Variants in POLD3 observed in about 807,000 individuals in gnomAD.
POLD3 encodes DNA polymerase delta 3, accessory subunit.
In POLD3, 19 loss-of-function variants were observed where a neutral mutation model predicts 58.2. The observed-to-expected ratio is 0.33, with a 90% CI of 0.23 to 0.48. The LOEUF (loss-of-function observed/expected upper bound fraction) is 0.48. Ranked by LOEUF, POLD3 falls within the 20% of genes least tolerant of loss-of-function variation. The probability of loss-of-function intolerance (pLI) is 0.99; values close to 1 mark genes in which losing one functional copy is unlikely to be tolerated. For synonymous variants in POLD3, 172 were observed against 193.5 expected (o/e 0.89, Z 0.92); for missense variants, 504 against 545.5 (o/e 0.92, Z 0.76).
chr11:74,601,038 A>G (rs956231299), intron 2 of POLD3, among the ~76,000 whole-genome samples: 6 of 152,182 alleles, frequency 3.9e-5, no homozygotes, highest in African/African-American at 1.4e-4. Flanking sequence ...GTTTTTTAAA[A>G]TAAGAGTTTG....
At position 74,631,633 on chromosome 11, in the gene POLD3, A is replaced by G. The variant is rs371585013; in HGVS notation, c.1006+2310A>G. Among the ~76,000 whole-genome samples the G allele has an allele frequency of 1.1e-4, 17 of 151,734 alleles. No individual in the cohort carries two copies. In the East Asian group the frequency reaches 3.1e-3, roughly 28 times the overall value. On this transcript the variant is annotated intron_variant, in intron 9 of 11. Coordinates refer to ENST00000263681, the MANE Select transcript of POLD3 (RefSeq NM_006591.3). ...TGAGTAGCCAGGATTACAGGTGCCT[A>G]CTACCACGCCCAGCTAATTTTTGTA...
Position 74,641,447 on chromosome 11 carries a change from C to G in POLD3, c.*681C>G. On this transcript the variant is annotated 3_prime_UTR_variant, in exon 12 of 12. Transcript: ENST00000263681. ...GCAATTAGTGGTTAGGGAAAAGCCT[C>G]AGGCAGAACACAAATAGAAATTTAA... is the stretch of plus-strand genomic sequence containing the variant. 1 of 985,410 alleles carries G rather than the reference C, an allele frequency of 1.0e-6. No homozygotes were observed. Among genetic ancestry groups the G allele is most frequent in the Non-Finnish European group, 1.2e-6 (1 of 829,924 alleles). 61.0% of individuals were successfully genotyped at this position (985,410 alleles called of 1,614,324 possible). A position where few individuals can be genotyped will look rare whatever the true frequency, so the allele number is the denominator to read the frequency against.
intron 9 of POLD3, among the ~76,000 whole-genome samples, chr11:74,632,877 TACACACACACACACACACACAC>T (rs71036003): frequency 6.2e-4 from 72 of 115,762 alleles, no homozygotes; most frequent in Admixed American, 1.4e-3. Context: ...TTTAAGTAAA[TACACACACACACACACACACAC>T]ACACACACAC....
chr11:74,664,650 C>T (rs1945132), intron 4 of POLD3, among the ~76,000 whole-genome samples: 4,943 of 151,866 alleles, frequency 0.033, 305 homozygotes, highest in African/African-American at 0.11. Context: ...AAAAAAATTA[C>T]GAAGATGAAT....
chr11:74,619,822 A>T (rs1018078752), intron 6 of POLD3, among the ~76,000 whole-genome samples, 195 bp from the exon 7 acceptor site: 1 of 152,198 alleles, frequency 6.6e-6, no homozygotes, highest in Non-Finnish European at 1.5e-5. Flanking sequence ...AGCTTTAGAG[A>T]TTAACACCAG....
chr11:74,596,456 G>C (rs545525831), intron 2 of POLD3, among the ~76,000 whole-genome samples: 1 of 152,144 alleles, frequency 6.6e-6, no homozygotes, highest in Non-Finnish European at 1.5e-5. Flanking sequence ...AAAGTGCTGG[G>C]ATTACAGATG....
intron 7 of POLD3, among the ~76,000 whole-genome samples, chr11:74,622,930 A>G (rs910750840): frequency 6.6e-5 from 10 of 152,220 alleles, no homozygotes; most frequent in African/African-American, 1.9e-4. Flanking sequence ...AATTGAAACA[A>G]TCCAAAAGTC....
chr11:74,640,526 C>T, intron 11 of POLD3, 38 bp from the exon 12 acceptor site: 1 of 1,462,806 alleles, frequency 6.8e-7, no homozygotes, highest in Non-Finnish European at 9.0e-7. Flanking sequence ...GTAAATGATT[C>T]AGCCCACCCA....
chr11:74,594,428 A>G (rs1449033468), intron 2 of POLD3, among the ~76,000 whole-genome samples: 2 of 152,200 alleles, frequency 1.3e-5, no homozygotes, highest in African/African-American at 4.8e-5. Context: ...TTTCTAAATA[A>G]GGTCACATTT....
intron 10 of POLD3, 64 bp from the exon 11 acceptor site, chr11:74,636,133 C>T (rs1209646729): frequency 2.7e-6 from 4 of 1,469,888 alleles, no homozygotes; most frequent in East Asian, 2.3e-5. Flanking sequence ...GATTTAAAAG[C>T]TTTTGTTATT....
chr11:74,647,171 G>C (rs1483453466), downstream of POLD3, among the ~76,000 whole-genome samples: 1 of 152,216 alleles, frequency 6.6e-6, no homozygotes, highest in Non-Finnish European at 1.5e-5. Context: ...CTCACCTCCT[G>C]CTGTGCAGCT....
At chr11:74,599,957 T>A (rs927586236) in intron 2 of POLD3, among the ~76,000 whole-genome samples, 1 of 70,586 alleles carries the variant, frequency 1.4e-5, no homozygotes, top group African/African-American at 6.8e-5. Context: ...ATTATTATTA[T>A]TTTTTTTTTT....
chr11:74,615,178 G>A (rs1470716042), intron 5 of POLD3, among the ~76,000 whole-genome samples: 1 of 152,230 alleles, frequency 6.6e-6, no homozygotes. Flanking sequence ...TGTCAGTAAA[G>A]CTGACAGTAG....
intron 4 of POLD3, among the ~76,000 whole-genome samples, chr11:74,659,900 C>T (rs1003973945): frequency 1.2e-4 from 19 of 152,184 alleles, no homozygotes; most frequent in African/African-American, 2.9e-4. Flanking sequence ...CTGCCGTTAC[C>T]GAGTTCCAAA....
In POLD3 at chr11:74,634,670, C is replaced by G; in HGVS notation, c.1094C>G (p.Thr365Ser). 1 of 1,609,928 alleles carries G rather than the reference C, an allele frequency of 6.2e-7. No homozygotes were observed. The highest frequency in any genetic ancestry group is 8.5e-7 in the Non-Finnish European group (1 of 1,176,188). ...PSPPLEPVPK[T>S]EPEPPSVKSS... Reference sequence around the variant, plus strand: ...CCACCTCTTGAACCAGTGCCAAAGACTGAGCCTGAACCTCCTTCTGTCAAG... The same window carrying G: ...CCACCTCTTGAACCAGTGCCAAAGAGTGAGCCTGAACCTCCTTCTGTCAAG... The change falls in exon 10 of 12, where the codon ACT (threonine) becomes AGT (serine). Residue 365 changes from threonine (T) to serine (S), a missense_variant. Physicochemically the swap from Thr to Ser is moderately conservative, Grantham distance 58 (BLOSUM62 1). This residue lies in a region of POLD3 where 385 missense variants were observed against 370.5 expected (regional missense o/e 1.04). Coordinates refer to ENST00000263681, the MANE Select transcript of POLD3 (RefSeq NM_006591.3).
chr11:74,667,570 ATTT>A (rs1257136460), intron 4 of POLD3, among the ~76,000 whole-genome samples: 63 of 151,916 alleles, frequency 4.1e-4, no homozygotes, highest in African/African-American at 9.2e-4. Context: ...TTTTACTGCA[ATTT>A]AAAAATTTTA....
At chr11:74,625,308 G>A (rs2032391746) in intron 7 of POLD3, 100 bp from the exon 8 acceptor site, 1 of 919,974 alleles carries the variant, frequency 1.1e-6, no homozygotes, top group African/African-American at 1.7e-5. Flanking sequence ...TTTTGCCCCT[G>A]CTCCTAACAT....
intron 4 of POLD3, among the ~76,000 whole-genome samples, chr11:74,661,163 G>A (rs1001013908): frequency 6.6e-6 from 1 of 151,970 alleles, no homozygotes; most frequent in African/African-American, 2.4e-5. Context: ...CTGTCTGAAA[G>A]GTTATATGTC....
Position 74,618,644 on chromosome 11 carries a change from A to G in POLD3, c.500A>G (p.Gln167Arg). 6.2e-7 allele frequency: 1 copy of G among 1,614,186 alleles called. No individual in the cohort carries two copies. Among genetic ancestry groups the G allele is most frequent in the Non-Finnish European group, 8.5e-7 (1 of 1,180,020 alleles). ...CATCTTCACATGTCAAGTGAGACAC[A>G]AGCCAACAATGAGCTGACCACCAAT... Reference protein sequence around the residue: ...QSHLHMSSETQANNELTTNGH... With the variant: ...QSHLHMSSETRANNELTTNGH... The change falls in exon 6 of 12, where the codon CAA (glutamine) becomes CGA (arginine). Residue 167 changes from glutamine (Q) to arginine (R), a missense_variant. Transcript: ENST00000263681.
Sources: gnomAD v4.1 joint callset for allele counts (sites outside exome capture counted in the v4.1 genomes callset) on GRCh38, gnomAD v4.1.1 for gene constraint, gnomAD v4.1.1 regional missense constraint, MANE v1.5 for transcripts, NCBI Gene and HGNC (gene_info 2026-07-23, HGNC 2026-07-21) for gene names.